Variants in HNRNPR observed in about 807,000 individuals in gnomAD.
HNRNPR encodes the protein heterogeneous nuclear ribonucleoprotein R.
In HNRNPR, 4 loss-of-function variants were observed where a neutral mutation model predicts 70.3. That is an observed-to-expected ratio of 0.06 (90% CI 0.03 to 0.13). The LOEUF (loss-of-function observed/expected upper bound fraction) is 0.13, where lower values mean the gene tolerates loss of function less well. HNRNPR is among the 10% of genes least tolerant of loss of function. The pLI, the probability that HNRNPR is intolerant of heterozygous loss-of-function variation, is 1.00. For synonymous variants in HNRNPR, 241 were observed against 267.6 expected, an observed-to-expected ratio of 0.90 and a Z score of 0.97; for missense variants, 423 against 788.5, an observed-to-expected ratio of 0.54 and a Z score of 5.55.
chr1:23,316,130 C>A (rs1015459244), intron 8 of HNRNPR, among the ~76,000 whole-genome samples: 6 of 152,148 alleles, frequency 3.9e-5, no homozygotes, highest in Non-Finnish European at 8.8e-5. Flanking sequence ...AGAAGCTTTA[C>A]TCAAATGGAT....
chr1:23,322,993 ATAG>A (rs1392087799), intron 6 of HNRNPR, among the ~76,000 whole-genome samples: 3 of 152,242 alleles, frequency 2.0e-5, no homozygotes, highest in African/African-American at 7.2e-5. Flanking sequence ...CTGGCTATAA[ATAG>A]TAGGAGAGGA....
chr1:23,342,711 A>C (rs1373641936), intron 1 of HNRNPR, among the ~76,000 whole-genome samples: 2 of 152,206 alleles, frequency 1.3e-5, no homozygotes, highest in Non-Finnish European at 2.9e-5. Context: ...AAAAGTTCTC[A>C]GTATCACAAG....
chr1:23,331,405 T>TTAAAA (rs1160009471), intron 5 of HNRNPR, among the ~76,000 whole-genome samples: 1 of 127,238 alleles, frequency 7.9e-6, no homozygotes, highest in Non-Finnish European at 1.6e-5. Flanking sequence ...CACAAAAAAT[T>TTAAAA]AAAAAAAAAA....
chr1:23,326,559 C>A (rs1162454727), intron 5 of HNRNPR, among the ~76,000 whole-genome samples: 1 of 152,032 alleles, frequency 6.6e-6, no homozygotes, highest in Non-Finnish European at 1.5e-5. Flanking sequence ...CTGAGACGGG[C>A]GGAATACTTG....
At chr1:23,325,411 A>G (rs1645931577) in intron 5 of HNRNPR, among the ~76,000 whole-genome samples, 1 of 152,130 alleles carries the variant, frequency 6.6e-6, no homozygotes, top group Admixed American at 6.5e-5. Context: ...AATAATCAAG[A>G]CTCACTTTCA....
In HNRNPR at chr1:23,317,577, T is replaced by C. The variant is rs1210857; in HGVS notation, c.1017+906A>G. On this transcript the variant is annotated intron_variant, in intron 8 of 10. Coordinates refer to ENST00000302271, the MANE Select transcript of HNRNPR (RefSeq NM_005826.5). ...CGCAAGTACAGGAATCAGGAGGGAATTGAGGGCCCTTTACAGGACTTGCCA... is the reference window on the plus strand; with the variant it reads ...CGCAAGTACAGGAATCAGGAGGGAACTGAGGGCCCTTTACAGGACTTGCCA... Among the ~76,000 whole-genome samples, 621 of 152,206 alleles carry C rather than the reference T, an allele frequency of 4.1e-3. 6 individuals are homozygous for C. The highest frequency in any genetic ancestry group is 0.014 in the African/African-American group (565 of 41,542).
chr1:23,323,811 A>T, intron 5 of HNRNPR, 79 bp from the exon 6 acceptor site: 336 of 1,000,494 alleles, frequency 3.4e-4, no homozygotes, highest in Middle Eastern at 5.0e-4. Flanking sequence ...TTTTTTTTTT[A>T]AAGATGGGGG....
intron 3 of HNRNPR, 196 bp downstream of exon 3, chr1:23,338,294 G>T (rs532905758): frequency 2.0e-5 from 8 of 399,036 alleles, no homozygotes; most frequent in African/African-American, 1.5e-4. Flanking sequence ...ACTGCACAAG[G>T]GGGTGGGAGA....
chr1:23,336,169 A>C (rs1646474292), intron 4 of HNRNPR, among the ~76,000 whole-genome samples: 1 of 150,412 alleles, frequency 6.6e-6, no homozygotes, highest in South Asian at 2.1e-4. Flanking sequence ...TCACACCTGT[A>C]ATCCCAGCAC....
At chr1:23,331,943 C>T (rs1356662811) in intron 5 of HNRNPR, among the ~76,000 whole-genome samples, 1 of 151,566 alleles carries the variant, frequency 6.6e-6, no homozygotes, top group Admixed American at 6.6e-5. Context: ...ACCCGCCTGG[C>T]CAACTTGGCG....
chr1:23,319,298 C>T (rs1399245360), intron 7 of HNRNPR, among the ~76,000 whole-genome samples: 5 of 152,144 alleles, frequency 3.3e-5, no homozygotes, highest in Non-Finnish European at 1.5e-5. Flanking sequence ...CGTTCTTACC[C>T]GATGTATCCT....
intron 5 of HNRNPR, among the ~76,000 whole-genome samples, chr1:23,329,552 A>T (rs1231599402): frequency 6.6e-6 from 1 of 152,212 alleles, no homozygotes; most frequent in Non-Finnish European, 1.5e-5. Context: ...GGCCATGAAG[A>T]CCCAGAAAAA....
At chr1:23,320,069 T>C (rs1645696394) in intron 7 of HNRNPR, among the ~76,000 whole-genome samples, 1 of 152,212 alleles carries the variant, frequency 6.6e-6, no homozygotes. Context: ...TCTTATCTCC[T>C]TTCTCAGGAT....
chr1:23,339,429 G>A (rs749463889), intron 2 of HNRNPR, among the ~76,000 whole-genome samples: 6 of 152,162 alleles, frequency 3.9e-5, no homozygotes, highest in Non-Finnish European at 7.3e-5. Context: ...TTTCATATAT[G>A]TAAGTATATT....
chr1:23,312,233 T>C (rs1464684626), intron 9 of HNRNPR, among the ~76,000 whole-genome samples: 1 of 152,212 alleles, frequency 6.6e-6, no homozygotes, highest in Admixed American at 6.5e-5. Context: ...CAGCTTTGCG[T>C]TGCTTCAGTT....
At chr1:23,311,360 A>G in intron 9 of HNRNPR, 38 bp from the exon 10 acceptor site, 1 of 1,353,370 alleles carries the variant, frequency 7.4e-7, no homozygotes, top group South Asian at 1.2e-5. Context: ...CAACGATATA[A>G]AACTGTATTT....
At chr1:23,314,946 A>G (rs1025065888) in intron 8 of HNRNPR, among the ~76,000 whole-genome samples, 1 of 152,190 alleles carries the variant, frequency 6.6e-6, no homozygotes, top group East Asian at 1.9e-4. Flanking sequence ...TAAATACACT[A>G]TAGTACCTCC....
intron 7 of HNRNPR, among the ~76,000 whole-genome samples, chr1:23,319,951 G>A (rs1043959101): frequency 9.9e-5 from 15 of 152,178 alleles, no homozygotes; most frequent in African/African-American, 3.6e-4. Context: ...CAAAACCATG[G>A]AAACAGGGAT....
chr1:23,327,034 T>G (rs973315264), intron 5 of HNRNPR, among the ~76,000 whole-genome samples: 4 of 152,204 alleles, frequency 2.6e-5, no homozygotes, highest in Admixed American at 6.5e-5. Context: ...CCCGTCTACC[T>G]TTAGAAGAAT....
Sources: gnomAD v4.1 joint callset for allele counts (sites outside exome capture counted in the v4.1 genomes callset) on GRCh38, gnomAD v4.1.1 for gene constraint, MANE v1.5 for transcripts, NCBI Gene and HGNC (gene_info 2026-07-23, HGNC 2026-07-21) for gene names.